The following SNCAIP variants were observed in gnomAD, a reference collection of about 807,000 sequenced individuals.
SNCAIP encodes the protein synuclein alpha interacting protein.
Under a neutral mutation model 86.7 loss-of-function variants are expected in SNCAIP, and 43 were observed. The observed-to-expected ratio is 0.50, with a 90% CI of 0.39 to 0.64. The LOEUF is 0.64. SNCAIP is among the 30% of genes least tolerant of loss of function. The pLI, the probability that SNCAIP is intolerant of heterozygous loss-of-function variation, is 0.00. For synonymous variants in SNCAIP, 417 were observed against 427.2 expected, an observed-to-expected ratio of 0.98 and a Z score of 0.29; for missense variants, 981 against 1,103.1, an observed-to-expected ratio of 0.89 and a Z score of 1.57.
intron 1 of SNCAIP, among the ~76,000 whole-genome samples, chr5:122,365,173 C>G (rs989029390): frequency 2.0e-5 from 3 of 152,006 alleles, no homozygotes; most frequent in Non-Finnish European, 4.4e-5. Flanking sequence ...TTTTTGCTTT[C>G]CCTAATTCCC....
intron 8 of SNCAIP, 120 bp downstream of exon 8, chr5:122,444,852 C>A: frequency 1.1e-6 from 1 of 870,848 alleles, no homozygotes; most frequent in Non-Finnish European, 1.9e-6. Context: ...TCCTAGCATT[C>A]TCCTCTTCTG....
chr5:122,370,287 T>C lies in SNCAIP; in HGVS notation c.-46-20802T>C, dbSNP rs199954553. ...CTGAACATTTTGCTCTTGTACTCAATAGCCATGCAGTTTATTACATTGGAT... is the reference window on the plus strand; with the variant it reads ...CTGAACATTTTGCTCTTGTACTCAACAGCCATGCAGTTTATTACATTGGAT... On this transcript the variant is annotated intron_variant, in intron 1 of 10. Transcript: ENST00000261368. Among the ~76,000 whole-genome samples the C allele has an allele frequency of 5.3e-5, 8 of 152,104 alleles. No homozygotes were observed. In the East Asian group the frequency reaches 1.4e-3, roughly 26 times the overall value.
intron 3 of SNCAIP, among the ~76,000 whole-genome samples, chr5:122,409,128 C>T (rs147313918): frequency 1.3e-5 from 2 of 151,966 alleles, no homozygotes; most frequent in Admixed American, 6.6e-5. Context: ...ATTTGTGGAA[C>T]TTTTGCACGC....
At chr5:122,359,630 G>C (rs903003930) in intron 1 of SNCAIP, among the ~76,000 whole-genome samples, 3 of 152,042 alleles carry the variant, frequency 2.0e-5, no homozygotes, top group Non-Finnish European at 4.4e-5. Context: ...CTCCCAAAGT[G>C]CTAGGATTAC....
intron 1 of SNCAIP, among the ~76,000 whole-genome samples, chr5:122,339,852 A>G (rs1270744467): frequency 1.3e-5 from 2 of 152,228 alleles, no homozygotes; most frequent in Non-Finnish European, 2.9e-5. Context: ...ACGACTGAAT[A>G]CAAGTTTCCT....
chr5:122,452,809 C>G (rs1193946042), intron 10 of SNCAIP: 1 of 686,718 alleles, frequency 1.5e-6, no homozygotes, highest in South Asian at 1.6e-5. Flanking sequence ...AAAGTGCATA[C>G]TAAGCCACTG....
At chr5:122,428,188 A>T (rs2152936097) in intron 5 of SNCAIP, among the ~76,000 whole-genome samples, 1 of 152,276 alleles carries the variant, frequency 6.6e-6, no homozygotes, top group South Asian at 2.1e-4. Context: ...CCAAAAAGCA[A>T]AGTGTCCATC....
intron 1 of SNCAIP, among the ~76,000 whole-genome samples, chr5:122,320,857 C>A (rs1055364837): frequency 6.6e-6 from 1 of 152,192 alleles, no homozygotes; most frequent in Non-Finnish European, 1.5e-5. Flanking sequence ...ATGTTATTAT[C>A]GTGGCCTTTA....
intron 7 of SNCAIP, among the ~76,000 whole-genome samples, chr5:122,442,049 G>T (rs925623960): frequency 7.3e-5 from 11 of 150,492 alleles, no homozygotes; most frequent in African/African-American, 2.2e-4. Flanking sequence ...AAGTTCATAC[G>T]GTTCAAAATA....
intron 7 of SNCAIP, among the ~76,000 whole-genome samples, chr5:122,442,457 T>C (rs1469723173): frequency 6.6e-6 from 1 of 152,168 alleles, no homozygotes; most frequent in Non-Finnish European, 1.5e-5. Context: ...GCTGAAAGTT[T>C]TTCTATTATT....
intron 3 of SNCAIP, 25 bp downstream of exon 3, chr5:122,403,890 T>C (rs1373792422): frequency 3.8e-6 from 6 of 1,573,734 alleles, no homozygotes; most frequent in African/African-American, 1.3e-5. Flanking sequence ...TCCCCTCTTC[T>C]CCTTATCCTG....
At chr5:122,315,935 T>C (rs780462378) in intron 1 of SNCAIP, among the ~76,000 whole-genome samples, 1 of 152,150 alleles carries the variant, frequency 6.6e-6, no homozygotes, top group Non-Finnish European at 1.5e-5. Flanking sequence ...AAGTAAAAAG[T>C]CGAAAGCATT....
chr5:122,394,960 G>T (rs1770279666), intron 2 of SNCAIP, among the ~76,000 whole-genome samples: 1 of 152,140 alleles, frequency 6.6e-6, no homozygotes, highest in African/African-American at 2.4e-5. Flanking sequence ...CAAGGTTACA[G>T]GGCCAGGACC....
intron 1 of SNCAIP, among the ~76,000 whole-genome samples, chr5:122,323,824 T>A (rs1407197227): frequency 6.6e-6 from 1 of 152,236 alleles, no homozygotes; most frequent in Non-Finnish European, 1.5e-5. Context: ...ATTATTAAAA[T>A]GTGCATGTAG....
At chr5:122,401,068 A>G in intron 2 of SNCAIP, 1 of 1,550,158 alleles carries the variant, frequency 6.5e-7, no homozygotes, top group Non-Finnish European at 8.7e-7. Context: ...TTTGGTTCCC[A>G]TAGGGCCAAA....
intron 3 of SNCAIP, among the ~76,000 whole-genome samples, chr5:122,417,676 T>G (rs1325768467): frequency 6.6e-6 from 1 of 151,928 alleles, no homozygotes; most frequent in Non-Finnish European, 1.5e-5. Flanking sequence ...CCTTCCTTCC[T>G]TCCCTCCTTT....
intron 1 of SNCAIP, among the ~76,000 whole-genome samples, chr5:122,350,518 G>GTT (rs34718418): frequency 1.5e-5 from 2 of 136,270 alleles, no homozygotes; most frequent in Admixed American, 7.2e-5. Context: ...TTTTTTGTTT[G>GTT]TTTTTTTTTT....
intron 1 of SNCAIP, among the ~76,000 whole-genome samples, chr5:122,313,416 C>G (rs1751050779): frequency 6.6e-6 from 1 of 152,226 alleles, no homozygotes; most frequent in Non-Finnish European, 1.5e-5. Flanking sequence ...ATGAGGATTA[C>G]ATGTGTGCAC....
At chr5:122,372,572 C>T (rs957529633) in intron 1 of SNCAIP, among the ~76,000 whole-genome samples, 1 of 152,128 alleles carries the variant, frequency 6.6e-6, no homozygotes, top group Non-Finnish European at 1.5e-5. Context: ...TGAGTTCATG[C>T]CAGATTACTC....
Sources: allele counts gnomAD v4.1 joint callset (sites outside exome capture counted in the v4.1 genomes callset), GRCh38; gene constraint gnomAD v4.1.1; transcripts MANE v1.5; gene names NCBI Gene and HGNC (gene_info 2026-07-23, HGNC 2026-07-21).